Variants in CALN1 observed in about 807,000 individuals in gnomAD.
CALN1 encodes calneuron 1.
A neutral mutation model predicts 30.6 loss-of-function variants in CALN1; 17 were observed. The ratio of observed to expected loss-of-function variants is 0.56; its 90% CI spans 0.38 to 0.83. CALN1 has a LOEUF of 0.83. Among genes scored for constraint, CALN1 ranks in the 40% least tolerant of loss-of-function variants. The pLI, the probability that CALN1 is intolerant of heterozygous loss-of-function variation, is 0.00. For missense variants in CALN1, 291 were observed against 354.9 expected (o/e 0.82, Z 1.45); for synonymous variants, 156 against 131.4 (o/e 1.19, Z -1.28).
rs1287567176 is a variant in CALN1, at chr7:71,781,786, G to A, written c.*5989C>T. 2 of 152,166 alleles carry A rather than the reference G, an allele frequency of 1.3e-5. No individual in the cohort carries two copies. The highest frequency in any genetic ancestry group is 2.9e-5 in the Non-Finnish European group (2 of 68,042). The allele number at this position is 152,166 out of a possible 1,614,324, so 9.4% of individuals were successfully genotyped here. A position where few individuals can be genotyped will look rare whatever the true frequency, so the allele number is the denominator to read the frequency against. ...AAAAGAGATGGGTGAGTCTATGCCC[G>A]GCATGGGGGTTGTGCTCAACTGATG... is the stretch of plus-strand genomic sequence containing the variant. On this transcript the variant is annotated 3_prime_UTR_variant, in exon 7 of 7. Transcript: ENST00000395275.
intron 3 of CALN1, among the ~76,000 whole-genome samples, chr7:72,263,161 T>C (rs1236525951): frequency 6.6e-6 from 1 of 152,174 alleles, no homozygotes; most frequent in Non-Finnish European, 1.5e-5. Flanking sequence ...ATAACAATAA[T>C]TACTATTCCT....
chr7:72,139,406 G>C (rs559930195), intron 3 of CALN1, among the ~76,000 whole-genome samples: 2 of 140,332 alleles, frequency 1.4e-5, no homozygotes, highest in Admixed American at 7.2e-5. Flanking sequence ...CCTCTTCTAA[G>C]CACCTCAGCC....
At chr7:72,029,080 TC>T (rs1321809457) in intron 4 of CALN1, among the ~76,000 whole-genome samples, 1 of 152,156 alleles carries the variant, frequency 6.6e-6, no homozygotes, top group African/African-American at 2.4e-5. Context: ...CACTGATAAT[TC>T]CCTAAGTAAT....
intron 5 of CALN1, among the ~76,000 whole-genome samples, chr7:71,990,226 T>C (rs961218113): frequency 2.0e-5 from 3 of 152,050 alleles, no homozygotes; most frequent in Non-Finnish European, 4.4e-5. Context: ...TTATAATAGA[T>C]AAGCATGCTA....
At chr7:71,970,796 T>C (rs1797755523) in intron 5 of CALN1, among the ~76,000 whole-genome samples, 1 of 152,114 alleles carries the variant, frequency 6.6e-6, no homozygotes, top group African/African-American at 2.4e-5. Context: ...ATCCCAGCGT[T>C]TTCCTATTTG....
At chr7:72,408,223 A>T (rs1806837450) in intron 1 of CALN1, among the ~76,000 whole-genome samples, 1 of 151,196 alleles carries the variant, frequency 6.6e-6, no homozygotes, top group African/African-American at 2.4e-5. Context: ...ACCCAAGGTC[A>T]GGAGTTTGAG....
intron 4 of CALN1, among the ~76,000 whole-genome samples, chr7:72,101,226 A>G (rs1806641926): frequency 1.3e-5 from 2 of 152,174 alleles, no homozygotes; most frequent in African/African-American, 4.8e-5. Flanking sequence ...TCGGCCTCCG[A>G]TAACAGGTGC....
At chr7:72,113,213 GGGA>G (rs751288384) in intron 3 of CALN1, among the ~76,000 whole-genome samples, 1 of 152,124 alleles carries the variant, frequency 6.6e-6, no homozygotes, top group South Asian at 2.1e-4. Flanking sequence ...TACTCTCTCT[GGGA>G]GGAGGAGGAG....
In CALN1 at chr7:72,022,853, C is replaced by T. The variant is rs533989048; in HGVS notation, c.501+804G>A. The stretch of plus-strand genomic sequence containing the variant: ...TAAGACTAGAAAGACACACCAACTG[C>T]AACCCTTATCTAGGTTAGAGAAATC... On this transcript the variant is annotated intron_variant, in intron 5 of 6. Transcript: ENST00000395275. 2.7e-5 allele frequency among the ~76,000 whole-genome samples: 4 copies of T among 148,408 alleles called. No homozygotes were observed. The East Asian group carries it at 7.9e-4, about 29-fold the overall frequency.
At chr7:72,384,315 A>G (rs1805079700) in intron 2 of CALN1, among the ~76,000 whole-genome samples, 1 of 152,254 alleles carries the variant, frequency 6.6e-6, no homozygotes, top group Admixed American at 6.5e-5. Context: ...GATTAGAGGA[A>G]CACAGAGAGA....
chr7:72,488,459 A>C, the CALN1 span, among the ~76,000 whole-genome samples: 927 of 152,094 alleles, frequency 6.1e-3, 9 homozygotes, highest in African/African-American at 0.02. Flanking sequence ...CCTAAAGTTC[A>C]CTCTCCCTTT....
chr7:72,465,229 C>T, the CALN1 span, among the ~76,000 whole-genome samples: 26 of 152,316 alleles, frequency 1.7e-4, no homozygotes, highest in African/African-American at 9.6e-5. Context: ...TCACCTCATC[C>T]GAGAAGTCTT....
intron 5 of CALN1, among the ~76,000 whole-genome samples, chr7:71,897,748 C>T (rs1322647338): frequency 1.3e-5 from 2 of 150,816 alleles, no homozygotes; most frequent in East Asian, 3.9e-4. Context: ...TCTAGTATCC[C>T]ACAAATAATA....
At chr7:71,950,985 C>A (rs1202835656) in intron 5 of CALN1, among the ~76,000 whole-genome samples, 1 of 152,174 alleles carries the variant, frequency 6.6e-6, no homozygotes, top group African/African-American at 2.4e-5. Context: ...CCTGAATAGG[C>A]CCCCGTCTAT....
intron 4 of CALN1, among the ~76,000 whole-genome samples, chr7:72,101,123 C>T (rs1281941263): frequency 6.6e-6 from 1 of 151,884 alleles, no homozygotes; most frequent in African/African-American, 2.4e-5. Context: ...GGTACCATGC[C>T]TGGCTAATTG....
chr7:72,379,462 C>T (rs1356073844), intron 2 of CALN1, among the ~76,000 whole-genome samples: 1 of 152,194 alleles, frequency 6.6e-6, no homozygotes, highest in Non-Finnish European at 1.5e-5. Context: ...TCAATTAATA[C>T]AACAGATATA....
chr7:72,005,700 C>G (rs1040659528), intron 5 of CALN1, among the ~76,000 whole-genome samples: 1 of 151,918 alleles, frequency 6.6e-6, no homozygotes. Context: ...AAAACGCCCA[C>G]TCCAAAATTA....
At chr7:72,371,987 GT>G (rs1804272985) in intron 2 of CALN1, among the ~76,000 whole-genome samples, 1 of 152,164 alleles carries the variant, frequency 6.6e-6, no homozygotes, top group Non-Finnish European at 1.5e-5. Context: ...CTGGTACTGA[GT>G]TTACCATTTC....
intron 4 of CALN1, among the ~76,000 whole-genome samples, chr7:72,050,134 T>C (rs991532350): frequency 6.6e-6 from 1 of 152,116 alleles, no homozygotes; most frequent in Non-Finnish European, 1.5e-5. Flanking sequence ...TAGGTATTAA[T>C]TGATGTCCCT....
Sources: allele counts gnomAD v4.1 joint callset (sites outside exome capture counted in the v4.1 genomes callset), GRCh38; gene constraint gnomAD v4.1.1; transcripts MANE v1.5; gene names NCBI Gene and HGNC (gene_info 2026-07-23, HGNC 2026-07-21).